The following TANK variants were observed in gnomAD, a reference collection of about 807,000 sequenced individuals.
TANK encodes the protein TRAF family member associated NFKB activator.
TANK carries 15 observed loss-of-function variants against 43.6 expected under a neutral mutation model. That is an observed-to-expected ratio of 0.34 (90% CI 0.23 to 0.53). The LOEUF is 0.53. TANK is among the 20% of genes least tolerant of loss of function. The probability of loss-of-function intolerance (pLI) is 0.94; values close to 1 mark genes in which losing one functional copy is unlikely to be tolerated. For missense variants in TANK, 417 were observed against 498.6 expected, an observed-to-expected ratio of 0.84 and a Z score of 1.56; for synonymous variants, 162 against 178.2, an observed-to-expected ratio of 0.91 and a Z score of 0.73.
chr2:161,145,077 T>C lies in TANK; in HGVS notation c.-50+8014T>C, dbSNP rs188973338. ...TGCTCTTCTTTGTCTTTTTTGATCT[T>C]TGTTGGTTTAATGTCTGTTTTGTTA... is the stretch of plus-strand genomic sequence containing the variant. On this transcript the variant is annotated intron_variant, in intron 1 of 7. Coordinates refer to the TANK transcript ENST00000259075. Among the ~76,000 whole-genome samples, 18 of 152,060 alleles carry C rather than the reference T, an allele frequency of 1.2e-4. No individual in the cohort carries two copies. In the East Asian group the frequency reaches 3.5e-3, roughly 29 times the overall value.
At chr2:161,146,757 T>C (rs1331575462) in intron 1 of TANK, among the ~76,000 whole-genome samples, 1 of 152,172 alleles carries the variant, frequency 6.6e-6, no homozygotes, top group Non-Finnish European at 1.5e-5. Flanking sequence ...AATGCTCCTA[T>C]ATAGGGTGTC....
At chr2:161,181,783 CAG>C in intron 2 of TANK, among the ~76,000 whole-genome samples, 1 of 152,146 alleles carries the variant, frequency 6.6e-6, no homozygotes. Flanking sequence ...GGTGGGTACA[CAG>C]AGGCAAACCA....
At chr2:161,215,944 A>G (rs1417334084) in intron 4 of TANK, among the ~76,000 whole-genome samples, 1 of 152,102 alleles carries the variant, frequency 6.6e-6, no homozygotes, top group Non-Finnish European at 1.5e-5. Flanking sequence ...TAATAAAACT[A>G]TTGTATAGCA....
chr2:161,195,426 A>G (rs1391808825), intron 2 of TANK, among the ~76,000 whole-genome samples: 1 of 152,202 alleles, frequency 6.6e-6, no homozygotes, highest in Non-Finnish European at 1.5e-5. Flanking sequence ...GATTATCATT[A>G]TATAATGATT....
intron 2 of TANK, among the ~76,000 whole-genome samples, chr2:161,189,825 T>C (rs1156884131): frequency 6.6e-6 from 1 of 152,142 alleles, no homozygotes; most frequent in East Asian, 1.9e-4. Flanking sequence ...TTTCTCCATA[T>C]ACAAAAATTA....
rs1687531594 is a variant in TANK, at chr2:161,224,850, T to G, written c.520+104T>G. ...GAATGCCTATTAAGTGTGTAGCATC[T>G]GTAATTTACCCCTCATCCACGTATG... is the stretch of plus-strand genomic sequence containing the variant. On this transcript the variant is annotated intron_variant, in intron 6 of 7. Coordinates refer to ENST00000392749, the MANE Select transcript of TANK (RefSeq NM_001199135.3). The G allele has an allele frequency of 6.3e-6, 4 of 636,488 alleles. No homozygotes were observed. In the African/African-American group the frequency reaches 7.5e-5, roughly 12 times the overall value. 39.4% of individuals were successfully genotyped at this position (636,488 alleles called of 1,614,324 possible).
intron 1 of TANK, among the ~76,000 whole-genome samples, chr2:161,166,528 AT>A (rs1266664354): frequency 6.6e-6 from 1 of 152,198 alleles, no homozygotes; most frequent in Non-Finnish European, 1.5e-5. Context: ...AAGATGTCTT[AT>A]TTATGTGTAT....
intron 1 of TANK, chr2:161,161,585 GTTA>G: frequency 2.6e-6 from 3 of 1,153,294 alleles, no homozygotes; most frequent in African/African-American, 1.6e-5. Flanking sequence ...GCATAACCAT[GTTA>G]TTTTGCTTTC....
intron 1 of TANK, chr2:161,161,519 C>A: frequency 6.7e-7 from 1 of 1,483,520 alleles, no homozygotes; most frequent in Non-Finnish European, 9.0e-7. Context: ...GAAGTGAAAT[C>A]CTTCTCAGTC....
At chr2:161,233,422 T>TA (rs986048903) in intron 7 of TANK, among the ~76,000 whole-genome samples, 28 of 151,730 alleles carry the variant, frequency 1.8e-4, no homozygotes, top group African/African-American at 4.8e-4. Context: ...ATTTTTTTTT[T>TA]AAAAAAATCC....
At chr2:161,188,756 G>A (rs759227614) in intron 2 of TANK, among the ~76,000 whole-genome samples, 11 of 152,144 alleles carry the variant, frequency 7.2e-5, no homozygotes, top group Non-Finnish European at 1.3e-4. Context: ...ATTTGCTATG[G>A]TTTGAATGTT....
intron 6 of TANK, among the ~76,000 whole-genome samples, chr2:161,228,726 C>A (rs1687758076): frequency 6.6e-6 from 1 of 152,210 alleles, no homozygotes. Context: ...CCCAGAGCAA[C>A]CTCCGGTCCT....
chr2:161,214,177 A>T (rs1186370775), intron 4 of TANK, among the ~76,000 whole-genome samples: 2 of 152,216 alleles, frequency 1.3e-5, no homozygotes, highest in Non-Finnish European at 2.9e-5. Context: ...ATTGGCAACA[A>T]ATCTTGTCTG....
intron 1 of TANK, among the ~76,000 whole-genome samples, chr2:161,167,649 G>GTCTC (rs201796439): frequency 6.6e-6 from 1 of 151,804 alleles, no homozygotes; most frequent in Admixed American, 6.6e-5. Flanking sequence ...TTGAGATGGA[G>GTCTC]TCTCTCTCTG....
chr2:161,186,928 C>T (rs1685686763), intron 2 of TANK, among the ~76,000 whole-genome samples: 1 of 152,262 alleles, frequency 6.6e-6, no homozygotes, highest in South Asian at 2.1e-4. Flanking sequence ...GCTTACCATA[C>T]TAATCATTAG....
intron 1 of TANK, among the ~76,000 whole-genome samples, chr2:161,147,763 C>G (rs1457904772): frequency 1.3e-5 from 2 of 152,136 alleles, no homozygotes; most frequent in Non-Finnish European, 1.5e-5. Context: ...GCCATCATGT[C>G]CTCACCTGTG....
chr2:161,146,674 A>G (rs1165834590), intron 1 of TANK, among the ~76,000 whole-genome samples: 1 of 152,210 alleles, frequency 6.6e-6, no homozygotes, highest in East Asian at 1.9e-4. Flanking sequence ...AGGCTGGAGA[A>G]CAGAAAAGAT....
intron 1 of TANK, chr2:161,137,915 A>G (rs1163329526): frequency 4.8e-6 from 1 of 208,536 alleles, no homozygotes; most frequent in South Asian, 1.7e-4. Context: ...CAGAGGTTGC[A>G]ATGAGCCAAG....
intron 1 of TANK, among the ~76,000 whole-genome samples, chr2:161,172,822 G>A (rs944022261): frequency 1.3e-5 from 2 of 152,096 alleles, no homozygotes; most frequent in African/African-American, 4.8e-5. Flanking sequence ...AAATCCTGTT[G>A]ATTCTACTCT....
Sources: allele counts gnomAD v4.1 joint callset (sites outside exome capture counted in the v4.1 genomes callset), GRCh38; gene constraint gnomAD v4.1.1; transcripts MANE v1.5; gene names NCBI Gene and HGNC (gene_info 2026-07-23, HGNC 2026-07-21).